The following BFSP2 variants were observed in gnomAD, a reference collection of about 807,000 sequenced individuals.
BFSP2 encodes the protein beaded filament structural protein 2.
Under a neutral mutation model 44.9 loss-of-function variants are expected in BFSP2, and 38 were observed. The observed-to-expected ratio is 0.85, with a 90% confidence interval of 0.65 to 1.11. BFSP2 has a LOEUF of 1.11. Among genes scored for constraint, BFSP2 ranks in the 50% least tolerant of loss-of-function variants. The probability of loss-of-function intolerance (pLI) is 0.00; values close to 1 mark genes in which losing one functional copy is unlikely to be tolerated. For missense variants in BFSP2, 525 were observed against 533.0 expected (o/e 0.99, Z 0.15); for synonymous variants, 197 against 209.9 (o/e 0.94, Z 0.53).
chr3:133,426,024 G>GAAGGAAAGGGAAGGA (rs1553779177), intron 1 of BFSP2, among the ~76,000 whole-genome samples: 3 of 29,284 alleles, frequency 1.0e-4, no homozygotes, highest in Non-Finnish European at 1.4e-4. Context: ...GAAGGGAAGG[G>GAAGGAAAGGGAAGGA]AAGGGAAGGG....
intron 1 of BFSP2, among the ~76,000 whole-genome samples, chr3:133,438,078 G>A (rs1296251611): frequency 6.6e-6 from 1 of 152,220 alleles, no homozygotes; most frequent in Non-Finnish European, 1.5e-5. Flanking sequence ...AAGAAATAGA[G>A]TTCTATTATT....
chr3:133,430,651 A>G (rs1260253760), intron 1 of BFSP2, among the ~76,000 whole-genome samples: 4 of 152,134 alleles, frequency 2.6e-5, no homozygotes, highest in Non-Finnish European at 4.4e-5. Context: ...ACGTCCAGGC[A>G]TTCTTTTACG....
At chr3:133,465,596 A>C (rs1421645048) in intron 4 of BFSP2, among the ~76,000 whole-genome samples, 2 of 152,200 alleles carry the variant, frequency 1.3e-5, no homozygotes, top group Admixed American at 6.5e-5. Flanking sequence ...TCTGGGGAGA[A>C]GTTAAAAACA....
At chr3:133,419,256 TG>T (rs1310455854) in intron 1 of BFSP2, among the ~76,000 whole-genome samples, 2 of 152,222 alleles carry the variant, frequency 1.3e-5, no homozygotes, top group Non-Finnish European at 2.9e-5. Context: ...AGTCACATTC[TG>T]GGGTACTGGG....
At chr3:133,430,802 C>G (rs2073707369) in intron 1 of BFSP2, among the ~76,000 whole-genome samples, 1 of 152,086 alleles carries the variant, frequency 6.6e-6, no homozygotes, top group African/African-American at 2.4e-5. Context: ...CATCTGACCT[C>G]TCCCCTCCTC....
At chr3:133,442,553 G>C (rs1250885297) in intron 1 of BFSP2, among the ~76,000 whole-genome samples, 3 of 152,220 alleles carry the variant, frequency 2.0e-5, no homozygotes, top group Non-Finnish European at 4.4e-5. Flanking sequence ...ATGCATTGGA[G>C]GAGGGAGGTA....
chr3:133,448,209 G>A (rs2073921501), intron 2 of BFSP2, among the ~76,000 whole-genome samples: 1 of 152,168 alleles, frequency 6.6e-6, no homozygotes, highest in South Asian at 2.1e-4. Flanking sequence ...CCCTAACCTG[G>A]ATCTGAACTC....
intron 4 of BFSP2, chr3:133,455,363 G>A (rs765467705): frequency 1.3e-5 from 2 of 152,204 alleles, no homozygotes; most frequent in Admixed American, 6.5e-5. Flanking sequence ...GTTTGTTCGG[G>A]TTCTTGGCAT....
At chr3:133,460,195 A>C (rs2074049257) in intron 4 of BFSP2, among the ~76,000 whole-genome samples, 1 of 152,238 alleles carries the variant, frequency 6.6e-6, no homozygotes, top group Admixed American at 6.5e-5. Flanking sequence ...AGCACCCGAC[A>C]GGTACGTTCT....
chr3:133,415,076 G>A (rs1250613084), intron 1 of BFSP2, among the ~76,000 whole-genome samples: 5 of 55,188 alleles, frequency 9.1e-5, no homozygotes, highest in Admixed American at 2.4e-4. Context: ...CCCTCTACTT[G>A]CCCCAGTCCT....
chr3:133,435,221 C>T (rs575323446), intron 1 of BFSP2, among the ~76,000 whole-genome samples: 13 of 152,300 alleles, frequency 8.5e-5, no homozygotes, highest in African/African-American at 3.1e-4. Flanking sequence ...ATGGAGGACT[C>T]TCTAGTGAAG....
chr3:133,412,028 T>C (rs2073459081), intron 1 of BFSP2, among the ~76,000 whole-genome samples: 1 of 152,238 alleles, frequency 6.6e-6, no homozygotes. Context: ...TTTTTAGACG[T>C]GATCATCGTT....
Position 133,448,488 on chromosome 3 carries a change from G to A in BFSP2, c.573-1G>A. The A allele has an allele frequency of 6.2e-7, 1 of 1,613,798 alleles. No homozygotes were observed. The highest frequency in any genetic ancestry group is 8.5e-7 in the Non-Finnish European group (1 of 1,179,996). ...TGCTAATTAAGTTCCTTTATCTGCA[G>A]ATATGAAAATGAGCAGCCATTTCGA... is the stretch of plus-strand genomic sequence containing the variant. On this transcript the variant is annotated splice_acceptor_variant, in intron 2 of 6. Coordinates refer to ENST00000302334, the MANE Select transcript of BFSP2 (RefSeq NM_003571.4). LOFTEE classifies it high-confidence loss of function.
At chr3:133,427,875 A>G (rs1453261916) in intron 1 of BFSP2, among the ~76,000 whole-genome samples, 1 of 152,230 alleles carries the variant, frequency 6.6e-6, no homozygotes, top group Non-Finnish European at 1.5e-5. Context: ...AGCACATACT[A>G]TATGCCAGAA....
At chr3:133,419,582 G>A (rs2073574661) in intron 1 of BFSP2, among the ~76,000 whole-genome samples, 1 of 152,122 alleles carries the variant, frequency 6.6e-6, no homozygotes, top group South Asian at 2.1e-4. Context: ...CTCTTTTTCT[G>A]TCCTTCTCTG....
At chr3:133,472,806 TACAC>T (rs909318064) in intron 6 of BFSP2, among the ~76,000 whole-genome samples, 5 of 152,158 alleles carry the variant, frequency 3.3e-5, no homozygotes, top group Non-Finnish European at 7.3e-5. Flanking sequence ...TATGTATATA[TACAC>T]ACATACATTC....
chr3:133,422,750 C>A (rs377186091), intron 1 of BFSP2, among the ~76,000 whole-genome samples: 1 of 26,940 alleles, frequency 3.7e-5, no homozygotes, highest in Admixed American at 3.7e-4. Context: ...AGTTATATTA[C>A]CCCCAGCCCA....
intron 4 of BFSP2, among the ~76,000 whole-genome samples, chr3:133,452,740 C>T (rs957254473): frequency 4.6e-5 from 7 of 152,182 alleles, no homozygotes; most frequent in African/African-American, 2.4e-5. Context: ...TGCATCGTTT[C>T]TCCCCTGGCT....
At chr3:133,438,987 T>C (rs1284749533) in intron 1 of BFSP2, among the ~76,000 whole-genome samples, 2 of 152,246 alleles carry the variant, frequency 1.3e-5, no homozygotes, top group African/African-American at 4.8e-5. Flanking sequence ...AGTTAAGTTC[T>C]AGCTGAGCCA....
Sources: allele counts gnomAD v4.1 joint callset (sites outside exome capture counted in the v4.1 genomes callset), GRCh38; gene constraint gnomAD v4.1.1; transcripts MANE v1.5; gene names NCBI Gene and HGNC (gene_info 2026-07-23, HGNC 2026-07-21).